The following CCDC14 variants were observed in gnomAD, a reference collection of about 807,000 sequenced individuals.
CCDC14 encodes coiled-coil domain-containing protein 14.
In CCDC14, 71 loss-of-function variants were observed where a neutral mutation model predicts 81.4. The observed-to-expected ratio is 0.87, with a 90% CI of 0.72 to 1.06. The LOEUF is 1.06. Ranked by LOEUF, CCDC14 falls within the 50% of genes least tolerant of loss-of-function variation. The pLI, the probability that CCDC14 is intolerant of heterozygous loss-of-function variation, is 0.00. For synonymous variants in CCDC14, 332 were observed against 364.8 expected, an observed-to-expected ratio of 0.91 and a Z score of 1.03; for missense variants, 1,046 against 1,047.3, an observed-to-expected ratio of 1.00 and a Z score of 0.02.
Position 123,915,561 on chromosome 3 carries a change from G to C in CCDC14, c.1936C>G (p.Leu646Val), listed in dbSNP as rs746004869. 3 of 1,613,852 alleles carry C rather than the reference G, an allele frequency of 1.9e-6. No homozygotes were observed. The change falls in exon 13 of 13, where the codon CTA becomes GTA. Residue 646 changes from leucine to valine, a missense_variant. Coordinates refer to ENST00000409697, the MANE Select transcript of CCDC14 (RefSeq NM_001366335.1). Reference sequence around the variant, plus strand: ...CTGTAATTTGTTTCTAACTTATTTAGATAGCTCATTATGGAAGTGTGAGCA... The same window carrying C: ...CTGTAATTTGTTTCTAACTTATTTACATAGCTCATTATGGAAGTGTGAGCA... ...APAHTSIMSY[L>V]NKLETNYSFT...
downstream of CCDC14, among the ~76,000 whole-genome samples, chr3:123,892,447 T>TA (rs2034003364): frequency 6.6e-6 from 1 of 151,782 alleles, no homozygotes; most frequent in Non-Finnish European, 1.5e-5. Context: ...AGGCCTGTGA[T>TA]AGGAGGGGCT....
chr3:123,915,526 A>C lies in CCDC14; in HGVS notation c.1971T>G (p.His657Gln), dbSNP rs751997140. 1.9e-6 allele frequency: 3 copies of C among 1,614,004 alleles called. No homozygotes were observed. The East Asian group carries it at 6.7e-5, about 36-fold the overall frequency. Residue 657 changes from histidine (H) to glutamine (Q), a missense_variant, in exon 13 of 13, where the codon CAT becomes CAG. Transcript: ENST00000409697. ...TTTTAATTGTAGAAAGTGGCTCTGA[A>C]TGTGTAAAACTGTAATTTGTTTCTA... The part of the protein sequence containing the change: ...NKLETNYSFT[H>Q]SEPLSTIKNE...
chr3:123,925,011 C>T (rs1222810268), intron 12 of CCDC14, among the ~76,000 whole-genome samples: 1 of 151,246 alleles, frequency 6.6e-6, no homozygotes, highest in Non-Finnish European at 1.5e-5. Flanking sequence ...AGAGTATGGG[C>T]ATTGTAGCAT....
At chr3:123,932,162 G>A (rs766954435) in intron 10 of CCDC14, among the ~76,000 whole-genome samples, 3 of 152,136 alleles carry the variant, frequency 2.0e-5, no homozygotes, top group Admixed American at 6.6e-5. Context: ...CAACACAGAC[G>A]TGGCCCCTGT....
intron 3 of CCDC14, 48 bp downstream of exon 3, chr3:123,956,307 A>G: frequency 1.4e-6 from 2 of 1,396,274 alleles, no homozygotes; most frequent in East Asian, 2.5e-5. Flanking sequence ...TTTAGCTACT[A>G]TTTGAAAACT....
the CCDC14 span, among the ~76,000 whole-genome samples, chr3:123,891,830 A>T: frequency 6.6e-6 from 1 of 152,178 alleles, no homozygotes; most frequent in South Asian, 2.1e-4. Flanking sequence ...TGCTGTTACC[A>T]ATTTACTGTA....
rs1251354582 is a variant in CCDC14, at chr3:123,933,693, GC to G, written c.1405del (p.Ala469LeufsTer14). The G allele has an allele frequency of 6.4e-7, 1 of 1,573,720 alleles. No individual in the cohort carries two copies. Among genetic ancestry groups the G allele is most frequent in the Non-Finnish European group, 8.6e-7 (1 of 1,156,940 alleles). On this transcript the variant is annotated frameshift_variant, in exon 10 of 13. Coordinates refer to ENST00000409697, the MANE Select transcript of CCDC14 (RefSeq NM_001366335.1). LOFTEE classifies it high-confidence loss of function. ...CCTACATTCAAGGTTGCAATCCACA[GC>G]ACCAGATGGTTTTTGAGTTTTCTGT... ...EQQKTQKPSG[A>X]VDCNLELFSL... is the part of the protein sequence containing the mutation.
At position 123,961,128 on chromosome 3, in the gene CCDC14, G is replaced by T; in HGVS notation, c.30+16C>A. On this transcript the variant is annotated intron_variant, in intron 1 of 12. Coordinates refer to ENST00000409697, the MANE Select transcript of CCDC14 (RefSeq NM_001366335.1). The stretch of plus-strand genomic sequence containing the variant: ...CTCCATCCCCACAGCGGACTCCTCA[G>T]GTCCTCAGCCCTCACCTGGCCCGGT... The T allele has an allele frequency of 6.5e-7, 1 of 1,549,172 alleles. No individual in the cohort carries two copies. Among genetic ancestry groups the T allele is most frequent in the East Asian group, 2.4e-5 (1 of 40,870 alleles).
chr3:123,950,020 T>C (rs2036915089), intron 5 of CCDC14, among the ~76,000 whole-genome samples: 1 of 152,188 alleles, frequency 6.6e-6, no homozygotes, highest in African/African-American at 2.4e-5. Flanking sequence ...AAGGTAGAAA[T>C]CGGTATTAAC....
intron 12 of CCDC14, among the ~76,000 whole-genome samples, chr3:123,927,330 T>C (rs745469832): frequency 3.3e-5 from 5 of 151,854 alleles, no homozygotes; most frequent in East Asian, 1.9e-4. Context: ...AGTGGGAAGA[T>C]TGCATGAGCC....
Position 123,956,442 on chromosome 3 carries a change from T to G in CCDC14, c.87-15A>C. The G allele has an allele frequency of 1.3e-6, 2 of 1,509,728 alleles. No individual in the cohort carries two copies. Among genetic ancestry groups the G allele is most frequent in the Non-Finnish European group, 1.8e-6 (2 of 1,115,606 alleles). 93.5% of individuals were successfully genotyped at this position (1,509,728 alleles called of 1,614,324 possible). On this transcript the variant is annotated splice_polypyrimidine_tract_variant and intron_variant, in intron 2 of 12. Transcript: ENST00000409697. ...TTAAATAGGTCCTGGAAAACAAGCTTATTAATATTCTTACAAATATTTTTC... is the reference window on the plus strand; with the variant it reads ...TTAAATAGGTCCTGGAAAACAAGCTGATTAATATTCTTACAAATATTTTTC...
At chr3:123,911,493 C>G (rs964148588), downstream of CCDC14, among the ~76,000 whole-genome samples, 2 of 152,112 alleles carry the variant, frequency 1.3e-5, no homozygotes, top group Non-Finnish European at 2.9e-5. Context: ...ATTCTGGACC[C>G]TTAAACATTA....
chr3:123,941,576 T>C (rs2036352827), intron 9 of CCDC14, among the ~76,000 whole-genome samples: 1 of 152,082 alleles, frequency 6.6e-6, no homozygotes, highest in South Asian at 2.1e-4. Context: ...CCTACACTAC[T>C]GCCAGAAACC....
At chr3:123,946,202 C>T (rs1174145357) in intron 8 of CCDC14, among the ~76,000 whole-genome samples, 1 of 150,672 alleles carries the variant, frequency 6.6e-6, no homozygotes, top group Non-Finnish European at 1.5e-5. Flanking sequence ...ACTGTGTTTC[C>T]AAGATGACAA....
chr3:123,956,860 T>A (rs2037353832), intron 1 of CCDC14, 65 bp from the exon 2 acceptor site: 6 of 1,054,712 alleles, frequency 5.7e-6, no homozygotes, highest in Non-Finnish European at 8.2e-6. Context: ...ATATGCTATC[T>A]TGACAAAATT....
At chr3:123,904,864 A>G (rs1462550851) in intron 5 of CCDC14, among the ~76,000 whole-genome samples, 1 of 152,196 alleles carries the variant, frequency 6.6e-6, no homozygotes, top group East Asian at 1.9e-4. Flanking sequence ...CTGGTCCTTC[A>G]CACAGAAGAG....
intron 5 of CCDC14, chr3:123,954,038 C>G (rs1349401965): frequency 1.3e-5 from 2 of 152,136 alleles, no homozygotes; most frequent in African/African-American, 2.4e-5. Flanking sequence ...GCAGTTAAGT[C>G]AGGATCCAGT....
chr3:123,952,532 C>A, intron 5 of CCDC14: 1 of 494,958 alleles, frequency 2.0e-6, no homozygotes, highest in Non-Finnish European at 4.3e-6. Flanking sequence ...CAAATAAGCT[C>A]AATACAATTC....
downstream of CCDC14, among the ~76,000 whole-genome samples, chr3:123,912,870 AC>A (rs2034478115): frequency 1.3e-5 from 2 of 151,660 alleles, no homozygotes; most frequent in South Asian, 2.1e-4. Context: ...TATTATTACC[AC>A]CCCCTCCCCA....
Sources: gnomAD v4.1 joint callset for allele counts (sites outside exome capture counted in the v4.1 genomes callset) on GRCh38, gnomAD v4.1.1 for gene constraint, MANE v1.5 for transcripts, NCBI Gene and HGNC (gene_info 2026-07-23, HGNC 2026-07-21) for gene names.